The following SHISA6 variants were observed in gnomAD, a reference collection of about 807,000 sequenced individuals.
The protein encoded by SHISA6 is protein shisa-6.
In SHISA6, 22 loss-of-function variants were observed where a neutral mutation model predicts 47.9. That is an observed-to-expected ratio of 0.46 (90% CI 0.33 to 0.66). SHISA6 has a LOEUF of 0.66. Ranked by LOEUF, SHISA6 falls within the 30% of genes least tolerant of loss-of-function variation. SHISA6 has a pLI of 0.02. For missense variants in SHISA6, 680 were observed against 764.6 expected (o/e 0.89, Z 1.30); for synonymous variants, 388 against 337.8 (o/e 1.15, Z -1.63).
At chr17:11,433,389 G>A (rs958059228) in intron 3 of SHISA6, among the ~76,000 whole-genome samples, 21 of 152,232 alleles carry the variant, frequency 1.4e-4, no homozygotes, top group Admixed American at 9.8e-4. Context: ...AGCTCCATCC[G>A]TGTCCCTGCA....
At chr17:11,279,492 G>A (rs1484644062) in intron 2 of SHISA6, among the ~76,000 whole-genome samples, 1 of 152,172 alleles carries the variant, frequency 6.6e-6, no homozygotes, top group African/African-American at 2.4e-5. Context: ...TTCCTCCATA[G>A]TTTTCAGGAC....
intron 2 of SHISA6, among the ~76,000 whole-genome samples, chr17:11,327,635 A>G (rs1910944885): frequency 6.6e-6 from 1 of 152,190 alleles, no homozygotes; most frequent in Non-Finnish European, 1.5e-5. Context: ...CGTCTCCACT[A>G]AAAATAAAAA....
chr17:11,553,952 A>G (rs1306628972), intron 4 of SHISA6, among the ~76,000 whole-genome samples: 1 of 152,186 alleles, frequency 6.6e-6, no homozygotes, highest in Non-Finnish European at 1.5e-5. Context: ...AGGCATTTCT[A>G]TAGGAGGGAG....
At chr17:11,321,360 A>G (rs976617044) in intron 2 of SHISA6, among the ~76,000 whole-genome samples, 2 of 152,224 alleles carry the variant, frequency 1.3e-5, no homozygotes, top group Non-Finnish European at 1.5e-5. Context: ...TAACATTTCC[A>G]GCTTCTTTAG....
At chr17:11,535,559 T>C (rs2071779442) in intron 3 of SHISA6, among the ~76,000 whole-genome samples, 1 of 152,180 alleles carries the variant, frequency 6.6e-6, no homozygotes, top group South Asian at 2.1e-4. Flanking sequence ...GTGTGAACCT[T>C]TGTCCAAGAA....
At chr17:11,323,382 C>T (rs916578026) in intron 2 of SHISA6, among the ~76,000 whole-genome samples, 16 of 152,218 alleles carry the variant, frequency 1.1e-4, no homozygotes, top group African/African-American at 1.7e-4. Flanking sequence ...GAGCCGGGCA[C>T]GGTGGCTCAC....
chr17:11,306,201 A>G (rs1034883495), intron 2 of SHISA6, among the ~76,000 whole-genome samples: 1 of 152,180 alleles, frequency 6.6e-6, no homozygotes, highest in Non-Finnish European at 1.5e-5. Flanking sequence ...GATCTTAAGC[A>G]ATTCTCCTCT....
intron 2 of SHISA6, among the ~76,000 whole-genome samples, chr17:11,366,433 C>G (rs145000056): frequency 3.3e-5 from 5 of 152,316 alleles, no homozygotes; most frequent in African/African-American, 1.2e-4. Context: ...AGCCACTGTG[C>G]CCAGCTACAT....
intron 2 of SHISA6, among the ~76,000 whole-genome samples, chr17:11,353,441 G>A (rs538894786): frequency 2.0e-5 from 3 of 148,764 alleles, no homozygotes; most frequent in Middle Eastern, 3.4e-3. Flanking sequence ...TGGCAACAGA[G>A]CAAGACTCCG....
In SHISA6 at chr17:11,560,221, AG is replaced by A. The variant is rs2072028979; in HGVS notation, c.*1919del. ...CCCTCTGCAGGGTGTGCCTCCCAAC[AG>A]GAACAGGAAACCATCACCCTGGATC... On this transcript the variant is annotated 3_prime_UTR_variant, in exon 6 of 6. Coordinates refer to ENST00000441885, the MANE Select transcript of SHISA6 (RefSeq NM_207386.4). 6.6e-6 allele frequency: 1 copy of A among 152,204 alleles called. No individual in the cohort carries two copies. The highest frequency in any genetic ancestry group is 2.4e-5 in the African/African-American group (1 of 41,410). 9.4% of individuals were successfully genotyped at this position (152,204 alleles called of 1,614,324 possible).
intron 3 of SHISA6, among the ~76,000 whole-genome samples, chr17:11,432,445 G>A (rs985245569): frequency 1.3e-5 from 2 of 152,182 alleles, no homozygotes; most frequent in Non-Finnish European, 2.9e-5. Flanking sequence ...ACAGGGCTTC[G>A]TGCCACCTAA....
At chr17:11,480,176 A>C (rs955290783) in intron 3 of SHISA6, among the ~76,000 whole-genome samples, 6 of 152,158 alleles carry the variant, frequency 3.9e-5, no homozygotes, top group African/African-American at 9.7e-5. Flanking sequence ...GTTCCTCTAC[A>C]GGTAAGAGTC....
At chr17:11,495,740 G>A (rs2071402543) in intron 3 of SHISA6, among the ~76,000 whole-genome samples, 1 of 152,018 alleles carries the variant, frequency 6.6e-6, no homozygotes. Context: ...GAACTAAGTG[G>A]GCGTGCTAGC....
chr17:11,284,161 C>A (rs1418134861), intron 2 of SHISA6, among the ~76,000 whole-genome samples: 3 of 152,100 alleles, frequency 2.0e-5, no homozygotes, highest in African/African-American at 7.2e-5. Flanking sequence ...GGAAATGATT[C>A]ATATCATTTG....
intron 3 of SHISA6, among the ~76,000 whole-genome samples, chr17:11,495,450 A>C (rs2071400033): frequency 6.6e-6 from 1 of 152,122 alleles, no homozygotes; most frequent in Admixed American, 6.6e-5. Flanking sequence ...AGAGGGAGGG[A>C]AGAGGAGGCC....
chr17:11,336,724 A>G (rs984671499), intron 2 of SHISA6, among the ~76,000 whole-genome samples: 13 of 152,188 alleles, frequency 8.5e-5, no homozygotes, highest in Admixed American at 7.2e-4. Flanking sequence ...ACATCGTGCA[A>G]TTAAAGGCCT....
chr17:11,508,774 T>A (rs1468583501), intron 3 of SHISA6, among the ~76,000 whole-genome samples: 1 of 138,818 alleles, frequency 7.2e-6, no homozygotes, highest in Non-Finnish European at 1.6e-5. Flanking sequence ...TACCATGCAC[T>A]CCTTTAGGTA....
chr17:11,558,565 G>A lies in SHISA6; in HGVS notation c.*261G>A, dbSNP rs1025161977. ...CAGTGGGGAGTGAGGAGGGGGCTAG[G>A]CCCCATTCTCACCCCCGACCACCTT... On this transcript the variant is annotated 3_prime_UTR_variant, in exon 6 of 6. Transcript: ENST00000441885. 42 of 529,438 alleles carry A rather than the reference G, an allele frequency of 7.9e-5. No individual in the cohort carries two copies. The highest frequency in any genetic ancestry group is 7.0e-4 in the African/African-American group (37 of 52,726). 32.8% of individuals were successfully genotyped at this position (529,438 alleles called of 1,614,324 possible).
At chr17:11,386,363 G>A (rs1038087290) in intron 3 of SHISA6, among the ~76,000 whole-genome samples, 7 of 151,976 alleles carry the variant, frequency 4.6e-5, no homozygotes, top group African/African-American at 9.7e-5. Context: ...CAACAAGAGC[G>A]AAACTCCATC....
Sources: gnomAD v4.1 joint callset for allele counts (sites outside exome capture counted in the v4.1 genomes callset) on GRCh38, gnomAD v4.1.1 for gene constraint, MANE v1.5 for transcripts, NCBI Gene and HGNC (gene_info 2026-07-23, HGNC 2026-07-21) for gene names.